TIMP3: variants seen among roughly 807,000 people sequenced by gnomAD.
TIMP3 encodes the protein TIMP metallopeptidase inhibitor 3.
A neutral mutation model predicts 30.0 loss-of-function variants in TIMP3; 11 were observed. The observed-to-expected ratio is 0.37, with a 90% CI of 0.23 to 0.61. The LOEUF is 0.61. TIMP3 is among the 20% of genes least tolerant of loss of function. TIMP3 has a pLI of 0.70. For missense variants in TIMP3, 181 were observed against 276.8 expected (o/e 0.65, Z 2.45); for synonymous variants, 112 against 111.3 (o/e 1.01, Z -0.04).
chr22:32,830,629 G>A (rs78161683), intron 1 of TIMP3, among the ~76,000 whole-genome samples: 1,693 of 152,284 alleles, frequency 0.011, 32 homozygotes, highest in African/African-American at 0.038. Context: ...AGGAATTCTC[G>A]TTGGAAAACA....
chr22:32,850,740 G>A (rs987830205), intron 2 of TIMP3, among the ~76,000 whole-genome samples: 9 of 152,276 alleles, frequency 5.9e-5, no homozygotes, highest in Middle Eastern at 3.4e-3. Context: ...GTAGGACCTG[G>A]CATGCAAAAG....
At chr22:32,816,098 A>G (rs1223144285) in intron 1 of TIMP3, among the ~76,000 whole-genome samples, 1 of 152,138 alleles carries the variant, frequency 6.6e-6, no homozygotes, top group African/African-American at 2.4e-5. Context: ...CCATGAAGCC[A>G]GATTCTTGGC....
Position 32,809,318 on chromosome 22 carries a change from G to A in TIMP3, c.121+7196G>A, listed in dbSNP as rs910033580. On this transcript the variant is annotated intron_variant, in intron 1 of 4. Transcript: ENST00000266085. ...CTTGGGAAGATTCTACCCATTTTGC[G>A]ACCTCTCCACATGAGTCTTTGGCTC... is the stretch of plus-strand genomic sequence containing the variant. 5.3e-5 allele frequency among the ~76,000 whole-genome samples: 8 copies of A among 152,294 alleles called. No homozygotes were observed. In the East Asian group the frequency reaches 1.2e-3, roughly 22 times the overall value.
At chr22:32,852,156 G>A (rs1207601366) in intron 2 of TIMP3, among the ~76,000 whole-genome samples, 1 of 152,208 alleles carries the variant, frequency 6.6e-6, no homozygotes, top group East Asian at 1.9e-4. Context: ...TGTTTGACAG[G>A]TGAGGCAACT....
chr22:32,857,381 C>T (rs1230496514), intron 3 of TIMP3, 21 bp downstream of exon 3: 2 of 1,593,472 alleles, frequency 1.3e-6, no homozygotes, highest in African/African-American at 2.7e-5. Flanking sequence ...ACTCTAGCTT[C>T]TAGGCCAGGG....
intron 1 of TIMP3, among the ~76,000 whole-genome samples, chr22:32,812,700 G>T (rs1304647038): frequency 6.6e-6 from 1 of 152,248 alleles, no homozygotes; most frequent in Non-Finnish European, 1.5e-5. Context: ...TCTCATGGAA[G>T]TCTGGCTCAG....
chr22:32,822,923 CAACAACA>C (rs759007186), intron 1 of TIMP3, among the ~76,000 whole-genome samples: 8 of 21,890 alleles, frequency 3.7e-4, no homozygotes, highest in African/African-American at 5.6e-4. Context: ...ACAACAACAA[CAACAACA>C]AAAAAAAAAC....
At chr22:32,835,543 T>C (rs917594941) in intron 1 of TIMP3, among the ~76,000 whole-genome samples, 3 of 152,058 alleles carry the variant, frequency 2.0e-5, no homozygotes, top group African/African-American at 4.8e-5. Flanking sequence ...TGAGTGGCAG[T>C]TGATGGGTAA....
intron 1 of TIMP3, among the ~76,000 whole-genome samples, chr22:32,814,181 AAAAGAAAGAAAGAAAG>A (rs148074968): frequency 1.8e-5 from 2 of 109,752 alleles, no homozygotes; most frequent in African/African-American, 7.6e-5. Context: ...AGAAAGAAAG[AAAAGAAAGAAAGAAAG>A]AAAGAAAGAA....
rs891676019 is a variant in TIMP3, at chr22:32,801,908, C to T, written c.-94C>T. 6.4e-6 allele frequency: 9 copies of T among 1,405,626 alleles called. No individual in the cohort carries two copies. The highest frequency in any genetic ancestry group is 8.3e-6 in the Non-Finnish European group (9 of 1,086,780). 87.1% of individuals were successfully genotyped at this position (1,405,626 alleles called of 1,614,324 possible). The stretch of plus-strand genomic sequence containing the variant: ...AGGTTGCCCCGCACGGCCCGGCGGG[C>T]GAGCGAGCTCGGGCTGCAGCAGCCC... On this transcript the variant is annotated 5_prime_UTR_variant, in exon 1 of 5. Transcript: ENST00000266085. This position sits in a 1 kb window ranked among gnomAD's most constrained non-coding sequence, Gnocchi z 4.7.
intron 4 of TIMP3, among the ~76,000 whole-genome samples, chr22:32,858,398 G>A (rs977344096): frequency 2.6e-5 from 4 of 152,184 alleles, no homozygotes; most frequent in Non-Finnish European, 5.9e-5. Flanking sequence ...GCTGGGGCAT[G>A]AGGGCTCTTG....
At position 32,861,789 on chromosome 22, in the gene TIMP3, C is replaced by A. The variant is rs2048547037; in HGVS notation, c.*2412C>A. The A allele has an allele frequency of 6.6e-6, 1 of 152,564 alleles. No individual in the cohort carries two copies. The highest frequency in any genetic ancestry group is 1.5e-5 in the Non-Finnish European group (1 of 68,034). The allele number at this position is 152,564 out of a possible 1,614,324, so 9.5% of individuals were successfully genotyped here. ...AAGCTATAGCTTTGTTTATTTCACC[C>A]GTTCACTTACTGTATAATTTAAAAT... is the stretch of plus-strand genomic sequence containing the variant. On this transcript the variant is annotated 3_prime_UTR_variant, in exon 5 of 5. Transcript: ENST00000266085.
intron 1 of TIMP3, among the ~76,000 whole-genome samples, chr22:32,841,407 G>C (rs2047898239): frequency 6.6e-6 from 1 of 152,176 alleles, no homozygotes; most frequent in Non-Finnish European, 1.5e-5. Context: ...AGTGAAGAAA[G>C]AGTGTTCCAG....
intron 1 of TIMP3, among the ~76,000 whole-genome samples, chr22:32,838,874 G>A (rs1363382469): frequency 6.6e-6 from 1 of 151,858 alleles, no homozygotes; most frequent in Non-Finnish European, 1.5e-5. Flanking sequence ...TGGAGTCCCA[G>A]ATGCAGTCCC....
At chr22:32,851,771 C>T (rs1392769384) in intron 2 of TIMP3, among the ~76,000 whole-genome samples, 1 of 152,152 alleles carries the variant, frequency 6.6e-6, no homozygotes. Context: ...AATCATCAGT[C>T]ACCATCTCAT....
chr22:32,855,216 C>G (rs1331627122), intron 2 of TIMP3, among the ~76,000 whole-genome samples: 1 of 152,212 alleles, frequency 6.6e-6, no homozygotes, highest in African/African-American at 2.4e-5. Context: ...TACCAAATCT[C>G]ACAGTTCACA....
chr22:32,844,168 G>A (rs796603601), intron 1 of TIMP3, among the ~76,000 whole-genome samples: 17 of 152,260 alleles, frequency 1.1e-4, no homozygotes, highest in African/African-American at 4.1e-4. Context: ...ATTAGGTCGG[G>A]GAAGAAGGGT....
chr22:32,834,740 C>T (rs532514462), intron 1 of TIMP3, among the ~76,000 whole-genome samples: 6 of 152,170 alleles, frequency 3.9e-5, no homozygotes, highest in East Asian at 3.8e-4. Context: ...AGGTGCACTC[C>T]GGGTGGCCCA....
At chr22:32,810,191 G>A (rs1390677641) in intron 1 of TIMP3, among the ~76,000 whole-genome samples, 1 of 152,224 alleles carries the variant, frequency 6.6e-6, no homozygotes, top group Non-Finnish European at 1.5e-5. Flanking sequence ...TTTTTGTTCA[G>A]CTGTTAAAAA....
Sources: gnomAD v4.1 joint callset for allele counts (sites outside exome capture counted in the v4.1 genomes callset) on GRCh38, gnomAD v4.1.1 for gene constraint, Gnocchi (gnomAD v3.1) non-coding constraint, MANE v1.5 for transcripts, NCBI Gene and HGNC (gene_info 2026-07-23, HGNC 2026-07-21) for gene names.